The following AGBL2 variants were observed in gnomAD, a reference collection of about 807,000 sequenced individuals.
AGBL2 encodes AGBL carboxypeptidase 2.
AGBL2 carries 87 observed loss-of-function variants against 103.0 expected under a neutral mutation model. The observed-to-expected ratio is 0.84, with a 90% confidence interval of 0.71 to 1.01. The LOEUF (loss-of-function observed/expected upper bound fraction) is 1.01. Among genes scored for constraint, AGBL2 ranks in the 50% least tolerant of loss-of-function variants. The probability of loss-of-function intolerance (pLI) is 0.00; values close to 1 mark genes in which losing one functional copy is unlikely to be tolerated. For synonymous variants in AGBL2, 335 were observed against 356.7 expected (o/e 0.94, Z 0.69); for missense variants, 904 against 1,023.5 (o/e 0.88, Z 1.59).
intron 14 of AGBL2, among the ~76,000 whole-genome samples, chr11:47,672,560 C>A (rs551642963): frequency 1.0e-3 from 153 of 152,212 alleles, no homozygotes; most frequent in African/African-American, 3.6e-3. Flanking sequence ...AGTGATCCGC[C>A]CATCTTGGCC....
At chr11:47,699,014 G>C (rs1308457084) in intron 8 of AGBL2, among the ~76,000 whole-genome samples, 1 of 150,472 alleles carries the variant, frequency 6.6e-6, no homozygotes, top group Non-Finnish European at 1.5e-5. Context: ...TGTTAGGTAT[G>C]GTGTTCTGCA....
At chr11:47,673,653 T>A (rs1039990563) in intron 14 of AGBL2, among the ~76,000 whole-genome samples, 1 of 144,100 alleles carries the variant, frequency 6.9e-6, no homozygotes, top group African/African-American at 2.6e-5. Flanking sequence ...TTAGCAGGCA[T>A]GGTGGTGGGC....
At chr11:47,681,421 G>A (rs2097400729) in intron 12 of AGBL2, among the ~76,000 whole-genome samples, 1 of 152,196 alleles carries the variant, frequency 6.6e-6, no homozygotes, top group Admixed American at 6.6e-5. Context: ...ACTTGTTAAT[G>A]CAGCTGAAAT....
chr11:47,667,779 A>T, intron 15 of AGBL2, 83 bp from the exon 16 acceptor site: 1 of 1,464,874 alleles, frequency 6.8e-7, no homozygotes, highest in South Asian at 1.2e-5. Flanking sequence ...TGCAACACTC[A>T]AGACACAAAG....
chr11:47,678,944 A>G (rs1158908986), intron 13 of AGBL2, among the ~76,000 whole-genome samples: 1 of 150,532 alleles, frequency 6.6e-6, no homozygotes, highest in Non-Finnish European at 1.5e-5. Context: ...CTGTAATCCC[A>G]GCTACTCAGT....
chr11:47,661,759 C>CTT (rs1250349053), intron 18 of AGBL2, among the ~76,000 whole-genome samples: 3 of 146,232 alleles, frequency 2.1e-5, no homozygotes, highest in African/African-American at 2.5e-5. Context: ...GTTTTGCCAC[C>CTT]TTTTTTTTTT....
At chr11:47,686,908 G>A (rs920874330) in intron 10 of AGBL2, among the ~76,000 whole-genome samples, 5 of 137,438 alleles carry the variant, frequency 3.6e-5, no homozygotes, top group Non-Finnish European at 7.6e-5. Flanking sequence ...GCAGTAAACC[G>A]AGATTGCGCC....
intron 3 of AGBL2, among the ~76,000 whole-genome samples, chr11:47,712,956 C>T (rs1233176047): frequency 6.6e-6 from 1 of 152,048 alleles, no homozygotes; most frequent in East Asian, 1.9e-4. Flanking sequence ...GCAGGAAAAT[C>T]GCTTGACCCC....
intron 18 of AGBL2, 67 bp downstream of exon 18, chr11:47,662,959 T>C (rs2097331902): frequency 1.6e-6 from 2 of 1,288,220 alleles, no homozygotes; most frequent in Middle Eastern, 1.9e-4. Context: ...AATCACATAA[T>C]ACATTTGAGA....
Position 47,660,015 on chromosome 11 carries a change from C to A in AGBL2, c.*158G>T. 1 of 635,652 alleles carries A rather than the reference C, an allele frequency of 1.6e-6. No homozygotes were observed. Among genetic ancestry groups the A allele is most frequent in the Non-Finnish European group, 2.4e-6 (1 of 409,184 alleles). 39.4% of individuals were successfully genotyped at this position (635,652 alleles called of 1,614,324 possible). A position where few individuals can be genotyped will look rare whatever the true frequency, so the allele number is the denominator to read the frequency against. The stretch of plus-strand genomic sequence containing the variant: ...ATGAGGTATGCATCTTGACCACATG[C>A]CCACAGTGTAAGTACAAAGTGTAAG... On this transcript the variant is annotated 3_prime_UTR_variant, in exon 19 of 19. Transcript: ENST00000525123.
At chr11:47,676,755 C>G (rs1289096251) in intron 14 of AGBL2, among the ~76,000 whole-genome samples, 2 of 145,164 alleles carry the variant, frequency 1.4e-5, no homozygotes, top group Non-Finnish European at 3.0e-5. Context: ...GAAGGCGGAG[C>G]TTGCGGTGAG....
At chr11:47,707,234 T>C (rs947313539) in intron 4 of AGBL2, among the ~76,000 whole-genome samples, 1 of 152,062 alleles carries the variant, frequency 6.6e-6, no homozygotes, top group African/African-American at 2.4e-5. Context: ...ACGTATAAGA[T>C]ACATACCTGA....
chr11:47,688,151 G>A (rs577528931), intron 10 of AGBL2, among the ~76,000 whole-genome samples: 26 of 152,040 alleles, frequency 1.7e-4, no homozygotes, highest in Admixed American at 1.6e-3. Context: ...AATACACGGG[G>A]TCTCACTGTG....
intron 8 of AGBL2, 31 bp downstream of exon 8, chr11:47,699,415 A>G: frequency 8.9e-7 from 1 of 1,124,252 alleles, no homozygotes; most frequent in Non-Finnish European, 1.3e-6. Flanking sequence ...TGTCATGATT[A>G]ACCATTCATT....
intron 11 of AGBL2, among the ~76,000 whole-genome samples, chr11:47,683,176 G>T (rs1330211855): frequency 6.6e-6 from 1 of 151,946 alleles, no homozygotes; most frequent in African/African-American, 2.4e-5. Flanking sequence ...TTTGAGACCA[G>T]CCTGGCCAAG....
At chr11:47,696,511 G>A (rs1565069925) in intron 8 of AGBL2, among the ~76,000 whole-genome samples, 1 of 152,070 alleles carries the variant, frequency 6.6e-6, no homozygotes, top group Non-Finnish European at 1.5e-5. Flanking sequence ...TGATCCACCT[G>A]CCTTGGCCTC....
At chr11:47,662,881 C>G in intron 18 of AGBL2, 145 bp downstream of exon 18, 1 of 704,708 alleles carries the variant, frequency 1.4e-6, no homozygotes, top group Non-Finnish European at 2.4e-6. Context: ...GTGCAAAATG[C>G]CTTAGATGTT....
chr11:47,705,881 ATCTG>A lies in AGBL2; in HGVS notation c.265_268del (p.Gln89Ter), dbSNP rs1466741052. ...TGAAATACCTCTGTTGATGGCTTCT[ATCTG>A]TCTGTGCACAGCTGAAGATAAACTG... On this transcript the variant is annotated frameshift_variant, in exon 5 of 19. Transcript: ENST00000525123. LOFTEE classifies it high-confidence loss of function. 1.2e-6 allele frequency: 2 copies of A among 1,614,062 alleles called. No individual in the cohort carries two copies. The highest frequency in any genetic ancestry group is 1.7e-5 in the Admixed American group (1 of 60,000).
rs7941404 is a variant in AGBL2, at chr11:47,690,661, C to A, written c.1046G>T (p.Arg349Leu). Residue 349 changes from arginine to leucine, a missense_variant, in exon 10 of 19, where the codon CGC becomes CTC. Transcript: ENST00000525123. ...LLYSQLDANT[R>L]NIGWRREGNE... ...TCCTTCTCTCCTCCAGCCAATATTG[C>A]GGGTGTTGGCATCCAATTGGGAGTA... 6 of 1,614,006 alleles carry A rather than the reference C, an allele frequency of 3.7e-6. No individual in the cohort carries two copies. The South Asian group carries it at 5.5e-5, about 15-fold the overall frequency.
Sources: allele counts gnomAD v4.1 joint callset (sites outside exome capture counted in the v4.1 genomes callset), GRCh38; gene constraint gnomAD v4.1.1; transcripts MANE v1.5; gene names NCBI Gene and HGNC (gene_info 2026-07-23, HGNC 2026-07-21).